RAB1A: variants seen among roughly 807,000 people sequenced by gnomAD.
RAB1A encodes the protein ras-related protein Rab-1A.
RAB1A carries 2 observed loss-of-function variants against 26.0 expected under a neutral mutation model. The observed-to-expected ratio is 0.08, with a 90% CI of 0.03 to 0.24. RAB1A has a LOEUF of 0.24. RAB1A is among the 10% of genes least tolerant of loss of function. The pLI, the probability that RAB1A is intolerant of heterozygous loss-of-function variation, is 1.00. For synonymous variants in RAB1A, 84 were observed against 84.9 expected (o/e 0.99, Z 0.06); for missense variants, 100 against 247.0 (o/e 0.40, Z 3.99).
At chr2:65,103,858 A>T (rs1669494446) in intron 2 of RAB1A, among the ~76,000 whole-genome samples, 1 of 151,728 alleles carries the variant, frequency 6.6e-6, no homozygotes, top group South Asian at 2.1e-4. Context: ...AGCTCACTGC[A>T]ACCTCCGCCT....
At chr2:65,129,324 C>T (rs1670180758) in intron 1 of RAB1A, among the ~76,000 whole-genome samples, 1 of 152,122 alleles carries the variant, frequency 6.6e-6, no homozygotes, top group African/African-American at 2.4e-5. Flanking sequence ...TGTTCAGTTG[C>T]TTCTCACCAT....
At chr2:65,089,832 G>A (rs762601151) in intron 4 of RAB1A, among the ~76,000 whole-genome samples, 4 of 151,658 alleles carry the variant, frequency 2.6e-5, no homozygotes, top group Non-Finnish European at 5.9e-5. Flanking sequence ...CCTCCCAAGT[G>A]GCTAGGATTA....
intron 1 of RAB1A, among the ~76,000 whole-genome samples, chr2:65,114,565 C>G (rs138410293): frequency 2.0e-5 from 3 of 152,138 alleles, no homozygotes; most frequent in African/African-American, 7.2e-5. Flanking sequence ...TAAGGGGGGC[C>G]GGGCGCGGTG....
chr2:65,125,050 C>CAAA lies in RAB1A; in HGVS notation c.23+4840_23+4842dup, dbSNP rs66712908. The stretch of plus-strand genomic sequence containing the variant: ...AAAATTATTTGAAACACAATGCAAG[C>CAAA]AAAAAAAAAAAAAAAGGTCAAATGT... On this transcript the variant is annotated intron_variant, in intron 1 of 5. Transcript: ENST00000409784. Among the ~76,000 whole-genome samples the CAAA allele has an allele frequency of 3.8e-3, 493 of 130,128 alleles. 5 individuals are homozygous for CAAA. Among genetic ancestry groups the CAAA allele is most frequent in the South Asian group, 0.013 (53 of 4,106 alleles). The allele number at this position is 130,128 out of a possible 152,430, so 85.4% of individuals were successfully genotyped here.
intron 1 of RAB1A, among the ~76,000 whole-genome samples, chr2:65,117,230 A>G (rs141135395): frequency 2.0e-4 from 30 of 151,728 alleles, no homozygotes; most frequent in African/African-American, 6.5e-4. Flanking sequence ...ACACCTGGCT[A>G]TTTTTTATTT....
intron 3 of RAB1A, among the ~76,000 whole-genome samples, chr2:65,095,998 A>G (rs554231768): frequency 6.6e-6 from 1 of 151,606 alleles, no homozygotes; most frequent in African/African-American, 2.4e-5. Flanking sequence ...CTAAAAATAC[A>G]AAAAATTAGC....
intron 2 of RAB1A, among the ~76,000 whole-genome samples, chr2:65,104,495 A>G (rs1314873759): frequency 1.3e-5 from 2 of 152,318 alleles, no homozygotes; most frequent in East Asian, 3.9e-4. Context: ...ACTCTGACCA[A>G]AAGTATTAGA....
At chr2:65,109,506 C>T (rs1211038273) in intron 1 of RAB1A, among the ~76,000 whole-genome samples, 2 of 151,780 alleles carry the variant, frequency 1.3e-5, no homozygotes, top group African/African-American at 4.8e-5. Flanking sequence ...GAGTTCAAGA[C>T]CAGCCTGACC....
chr2:65,118,115 G>A (rs1558586362), intron 1 of RAB1A, among the ~76,000 whole-genome samples: 2 of 152,136 alleles, frequency 1.3e-5, no homozygotes, highest in African/African-American at 2.4e-5. Flanking sequence ...TCTGTCTGGT[G>A]GGAACTCAGT....
intron 2 of RAB1A, among the ~76,000 whole-genome samples, chr2:65,098,370 A>G (rs963843325): frequency 4.6e-5 from 7 of 152,206 alleles, no homozygotes; most frequent in African/African-American, 1.7e-4. Context: ...AATTCTTTAC[A>G]TACATCATAT....
At chr2:65,122,594 A>T (rs994772392) in intron 1 of RAB1A, among the ~76,000 whole-genome samples, 2 of 151,952 alleles carry the variant, frequency 1.3e-5, no homozygotes, top group Non-Finnish European at 2.9e-5. Flanking sequence ...TGATTAGCAA[A>T]TTTTTTTTAA....
intron 3 of RAB1A, among the ~76,000 whole-genome samples, chr2:65,096,777 C>T (rs990764628): frequency 6.6e-6 from 1 of 152,206 alleles, no homozygotes; most frequent in Non-Finnish European, 1.5e-5. Flanking sequence ...TTCTTTTCCT[C>T]ATCAGAGTCA....
intron 2 of RAB1A, among the ~76,000 whole-genome samples, chr2:65,099,462 G>A (rs1669367874): frequency 6.6e-6 from 1 of 152,200 alleles, no homozygotes; most frequent in African/African-American, 2.4e-5. Flanking sequence ...GAAGTACTCT[G>A]TCAACAAAGA....
chr2:65,102,256 A>AT (rs1225340947), intron 2 of RAB1A, among the ~76,000 whole-genome samples: 1 of 152,062 alleles, frequency 6.6e-6, no homozygotes. Context: ...TTTAGCAGTG[A>AT]TTTCTTGCTT....
chr2:65,129,449 G>C lies in RAB1A; in HGVS notation c.23+444C>G, dbSNP rs189389600. On this transcript the variant is annotated intron_variant, in intron 1 of 5. Coordinates refer to ENST00000409784, the MANE Select transcript of RAB1A (RefSeq NM_004161.5). ...AAGCTCAGGATTTACAAGTAAAGCTGGTTTCTACCCCGAAGATCCTGACAG... is the reference window on the plus strand; with the variant it reads ...AAGCTCAGGATTTACAAGTAAAGCTCGTTTCTACCCCGAAGATCCTGACAG... Among the ~76,000 whole-genome samples, 857 of 152,262 alleles carry C rather than the reference G, an allele frequency of 5.6e-3. 9 individuals are homozygous for C. The highest frequency in any genetic ancestry group is 0.02 in the African/African-American group (816 of 41,550).
At chr2:65,090,281 G>A (rs930640583) in intron 4 of RAB1A, among the ~76,000 whole-genome samples, 3 of 152,044 alleles carry the variant, frequency 2.0e-5, no homozygotes, top group Admixed American at 6.5e-5. Context: ...CTCATTAGAG[G>A]TGAGATTTAA....
intron 1 of RAB1A, among the ~76,000 whole-genome samples, chr2:65,118,502 G>C (rs1464165578): frequency 2.6e-5 from 4 of 152,036 alleles, no homozygotes; most frequent in African/African-American, 2.4e-5. Context: ...TTTTGAGACA[G>C]AGTTTTGCTC....
chr2:65,089,857 C>T (rs1410889009), intron 4 of RAB1A, among the ~76,000 whole-genome samples: 1 of 152,110 alleles, frequency 6.6e-6, no homozygotes, highest in Non-Finnish European at 1.5e-5. Flanking sequence ...CACGGGCCCC[C>T]ACGCCTGGCT....
chr2:65,109,782 T>C (rs918629602), intron 1 of RAB1A, among the ~76,000 whole-genome samples: 1 of 152,190 alleles, frequency 6.6e-6, no homozygotes, highest in Non-Finnish European at 1.5e-5. Context: ...TAAATTATTC[T>C]AGTAAATCCT....
Sources: allele counts gnomAD v4.1 joint callset (sites outside exome capture counted in the v4.1 genomes callset), GRCh38; gene constraint gnomAD v4.1.1; transcripts MANE v1.5; gene names NCBI Gene and HGNC (gene_info 2026-07-23, HGNC 2026-07-21).